Variants in PCDHGB1 observed in about 807,000 individuals in gnomAD.
PCDHGB1 encodes protocadherin gamma subfamily B, 1.
In PCDHGB1, 34 loss-of-function variants were observed where a neutral mutation model predicts 56.6. The observed-to-expected ratio is 0.60, with a 90% CI of 0.46 to 0.80. PCDHGB1 has a LOEUF of 0.80. Ranked by LOEUF, PCDHGB1 falls within the 30% of genes least tolerant of loss-of-function variation. The probability of loss-of-function intolerance (pLI) is 0.00; values close to 1 mark genes in which losing one functional copy is unlikely to be tolerated. For synonymous variants in PCDHGB1, 561 were observed against 505.9 expected (o/e 1.11, Z -1.46); for missense variants, 1,278 against 1,204.6 (o/e 1.06, Z -0.90).
chr5:141,403,429 T>C (rs1282528901), intron 1 of PCDHGB1: 2 of 1,614,006 alleles, frequency 1.2e-6, no homozygotes, highest in Non-Finnish European at 1.7e-6. Flanking sequence ...AAGCTATTGA[T>C]CCGGATGTTG....
chr5:141,500,318 C>T (rs1005060282), intron 2 of PCDHGB1, among the ~76,000 whole-genome samples: 3 of 151,948 alleles, frequency 2.0e-5, no homozygotes, highest in African/African-American at 7.3e-5. Context: ...ACGCCATGCT[C>T]CTGCCTCAGC....
At chr5:141,378,233 G>C (rs1449430240) in intron 1 of PCDHGB1, 1 of 152,134 alleles carries the variant, frequency 6.6e-6, no homozygotes, top group African/African-American at 2.4e-5. Context: ...TAGTATTTAA[G>C]AGTGAAAATG....
At position 141,485,565 on chromosome 5, in the gene PCDHGB1, C is replaced by T. The variant is rs1213821989; in HGVS notation, c.2410-9242C>T. The T allele has an allele frequency of 2.5e-6, 4 of 1,612,946 alleles. No homozygotes were observed. Among genetic ancestry groups the T allele is most frequent in the Non-Finnish European group, 2.5e-6 (3 of 1,179,042 alleles). On this transcript the variant is annotated intron_variant, in intron 1 of 3. Coordinates refer to ENST00000523390, the MANE Select transcript of PCDHGB1 (RefSeq NM_018922.3). The surrounding 1 kb of genome is among the most constrained non-coding windows in gnomAD (Gnocchi z 5.7). ...ATCGTAGATGTGAATGATCACGCCCCCCGTTTTCCGCGGCAGCAGCTGGAC... is the reference window on the plus strand; with the variant it reads ...ATCGTAGATGTGAATGATCACGCCCTCCGTTTTCCGCGGCAGCAGCTGGAC...
chr5:141,423,119 G>A (rs769320490), intron 1 of PCDHGB1: 1 of 1,613,774 alleles, frequency 6.2e-7, no homozygotes, highest in South Asian at 1.1e-5. Context: ...CGTACAGCGC[G>A]GGCACTGCTG....
chr5:141,503,268 C>A (rs1038268807), intron 2 of PCDHGB1, among the ~76,000 whole-genome samples: 6 of 152,068 alleles, frequency 3.9e-5, no homozygotes, highest in African/African-American at 7.2e-5. Context: ...AACCCCAGCA[C>A]CTGGCTCTGT....
chr5:141,457,480 G>A lies in PCDHGB1; in HGVS notation c.2410-37327G>A, dbSNP rs566798464. ...GATTCACAGGAATAAGCAGGGCCAGGGTTAGTCTAAAATGTAGGCAAAAAG... is the reference window on the plus strand; with the variant it reads ...GATTCACAGGAATAAGCAGGGCCAGAGTTAGTCTAAAATGTAGGCAAAAAG... On this transcript the variant is annotated intron_variant, in intron 1 of 3. Transcript: ENST00000523390. 2.0e-5 allele frequency among the ~76,000 whole-genome samples: 3 copies of A among 152,266 alleles called. No individual in the cohort carries two copies. In the South Asian group the frequency reaches 6.2e-4, roughly 32 times the overall value.
At chr5:141,393,246 A>G (rs1434145740) in intron 1 of PCDHGB1, 2 of 1,613,694 alleles carry the variant, frequency 1.2e-6, no homozygotes, top group Non-Finnish European at 1.7e-6. Flanking sequence ...AATTAACGAA[A>G]TCGCGGTTCC....
intron 1 of PCDHGB1, chr5:141,440,709 A>C (rs1351127132): frequency 1.3e-5 from 2 of 152,216 alleles, no homozygotes; most frequent in Non-Finnish European, 2.9e-5. Context: ...GTGGAAAGAC[A>C]TATGTTGATC....
chr5:141,474,403 C>G (rs553745731), intron 1 of PCDHGB1, among the ~76,000 whole-genome samples: 6 of 152,166 alleles, frequency 3.9e-5, no homozygotes, highest in Non-Finnish European at 5.9e-5. Context: ...ACAAGCTCCC[C>G]GGTGATGCCT....
intron 1 of PCDHGB1, chr5:141,356,480 A>G: frequency 1.2e-6 from 2 of 1,613,992 alleles, no homozygotes; most frequent in South Asian, 2.2e-5. Flanking sequence ...GCCACTGACC[A>G]GGGAACTCCT....
intron 1 of PCDHGB1, chr5:141,364,901 T>C (rs867026353): frequency 1.9e-6 from 3 of 1,613,962 alleles, no homozygotes; most frequent in Middle Eastern, 3.3e-4. Context: ...TGGACAAAAG[T>C]ATCCGGAGCT....
At chr5:141,413,924 A>T in intron 1 of PCDHGB1, 1 of 1,613,408 alleles carries the variant, frequency 6.2e-7, no homozygotes, top group Non-Finnish European at 8.5e-7. Context: ...ACCTTGCCAG[A>T]ATACCGAGTG....
At chr5:141,408,847 G>A in intron 1 of PCDHGB1, 1 of 1,613,498 alleles carries the variant, frequency 6.2e-7, no homozygotes, top group African/African-American at 1.3e-5. Flanking sequence ...TGACTGCCTT[G>A]GACGGAGGGG....
In PCDHGB1 at chr5:141,392,907, C is replaced by T. The variant is rs746317747; in HGVS notation, c.2409+40238C>T. The T allele has an allele frequency of 5.6e-6, 9 of 1,613,824 alleles. No homozygotes were observed. In the East Asian group the frequency reaches 1.8e-4, roughly 32 times the overall value. On this transcript the variant is annotated intron_variant, in intron 1 of 3. Coordinates refer to ENST00000523390, the MANE Select transcript of PCDHGB1 (RefSeq NM_018922.3). Reference sequence around the variant, plus strand: ...GTGGGAAATCGGGAGGGGACAGATTCGCTACTCTGTGCCAGAAGAGACGGA... The same window carrying T: ...GTGGGAAATCGGGAGGGGACAGATTTGCTACTCTGTGCCAGAAGAGACGGA...
rs200625256 is a variant in PCDHGB1 at position 141,477,009 on chromosome 5, A to G, written c.2410-17798A>G. 7.5e-5 allele frequency: 121 copies of G among 1,614,064 alleles called. No homozygotes were observed. Among genetic ancestry groups the G allele is most frequent in the Non-Finnish European group, 9.2e-5 (109 of 1,180,028 alleles). On this transcript the variant is annotated intron_variant, in intron 1 of 3. Transcript: ENST00000523390. This position sits in a 1 kb window ranked among gnomAD's most constrained non-coding sequence, Gnocchi z 4.9. The stretch of plus-strand genomic sequence containing the variant: ...GGCGTGCGGCAACTATTCGCCTTAG[A>G]CCTTGTAACCGGGATGCTGACAATC...
intron 1 of PCDHGB1, chr5:141,382,959 G>T: frequency 6.2e-7 from 1 of 1,607,442 alleles, no homozygotes; most frequent in Non-Finnish European, 8.5e-7. Flanking sequence ...CCATCCTCCT[G>T]GGGACCCCCT....
At chr5:141,371,693 C>T in intron 1 of PCDHGB1, 1 of 1,614,066 alleles carries the variant, frequency 6.2e-7, no homozygotes, top group Non-Finnish European at 8.5e-7. Context: ...CACCGCTCTC[C>T]TCCAGCAAGA....
intron 1 of PCDHGB1, chr5:141,418,921 T>A (rs897705216): frequency 1.9e-6 from 3 of 1,613,928 alleles, no homozygotes; most frequent in Admixed American, 3.3e-5. Context: ...CACTCTCTGA[T>A]CAGATTATGG....
chr5:141,452,584 T>C (rs992607928), intron 1 of PCDHGB1, among the ~76,000 whole-genome samples: 1 of 152,182 alleles, frequency 6.6e-6, no homozygotes, highest in Non-Finnish European at 1.5e-5. Context: ...TTTCCATCTT[T>C]GTATTTTTAT....
Sources: gnomAD v4.1 joint callset for allele counts (sites outside exome capture counted in the v4.1 genomes callset) on GRCh38, gnomAD v4.1.1 for gene constraint, Gnocchi (gnomAD v3.1) non-coding constraint, MANE v1.5 for transcripts, NCBI Gene and HGNC (gene_info 2026-07-23, HGNC 2026-07-21) for gene names.